The following FHIT variants were observed in gnomAD, a reference collection of about 807,000 sequenced individuals.
FHIT encodes fragile histidine triad diadenosine triphosphatase.
In FHIT, 19 loss-of-function variants were observed where a neutral mutation model predicts 17.9. The ratio of observed to expected loss-of-function variants is 1.06; its 90% confidence interval spans 0.74 to 1.56. The LOEUF (loss-of-function observed/expected upper bound fraction) is 1.56. Ranked by LOEUF, FHIT falls within the 40% of genes most tolerant of loss-of-function variation. FHIT has a pLI of 0.00. For missense variants in FHIT, 248 were observed against 189.2 expected (o/e 1.31, Z -1.82); for synonymous variants, 81 against 69.7 (o/e 1.16, Z -0.81).
intron 5 of FHIT, among the ~76,000 whole-genome samples, chr3:60,233,270 C>G (rs919086811): frequency 2.6e-5 from 4 of 152,146 alleles, no homozygotes; most frequent in African/African-American, 9.7e-5. Context: ...TGACTGATGC[C>G]TGGCAATCCA....
At chr3:60,724,940 C>T (rs544364360) in intron 4 of FHIT, among the ~76,000 whole-genome samples, 30 of 152,192 alleles carry the variant, frequency 2.0e-4, no homozygotes, top group East Asian at 3.9e-4. Flanking sequence ...TGAGCCAACG[C>T]GCCCAAACTT....
At chr3:59,866,781 T>C (rs1023862915) in intron 8 of FHIT, among the ~76,000 whole-genome samples, 4 of 152,152 alleles carry the variant, frequency 2.6e-5, no homozygotes, top group Admixed American at 6.5e-5. Context: ...AGATAGCTTC[T>C]GGCCAACTGA....
At chr3:61,232,370 G>A (rs2040127917) in intron 1 of FHIT, among the ~76,000 whole-genome samples, 1 of 152,190 alleles carries the variant, frequency 6.6e-6, no homozygotes, top group South Asian at 2.1e-4. Context: ...CTGAGGGACA[G>A]AGCAAGACCT....
At chr3:61,084,641 A>G (rs1269246214) in intron 2 of FHIT, among the ~76,000 whole-genome samples, 1 of 152,188 alleles carries the variant, frequency 6.6e-6, no homozygotes, top group Non-Finnish European at 1.5e-5. Flanking sequence ...AAGCTATTTT[A>G]AGTGGTAACT....
chr3:61,002,092 A>G (rs2031124196), intron 3 of FHIT, among the ~76,000 whole-genome samples: 1 of 152,232 alleles, frequency 6.6e-6, no homozygotes, highest in African/African-American at 2.4e-5. Flanking sequence ...GAATGATTAA[A>G]TCAAGGTAAT....
intron 3 of FHIT, among the ~76,000 whole-genome samples, chr3:60,866,112 CCT>C (rs1704149929): frequency 6.6e-6 from 1 of 152,058 alleles, no homozygotes; most frequent in South Asian, 2.1e-4. Context: ...ACTGAGGGTT[CCT>C]CTCTCTATAA....
intron 3 of FHIT, among the ~76,000 whole-genome samples, chr3:60,937,172 A>T (rs1442401051): frequency 1.3e-5 from 2 of 152,206 alleles, no homozygotes; most frequent in African/African-American, 4.8e-5. Flanking sequence ...TGAAAAGGGA[A>T]AATGTGCAAA....
At chr3:60,472,963 T>C (rs947107057) in intron 5 of FHIT, among the ~76,000 whole-genome samples, 21 of 152,196 alleles carry the variant, frequency 1.4e-4, no homozygotes, top group African/African-American at 4.8e-4. Flanking sequence ...CCTTTAGTGC[T>C]ATATTATAGA....
intron 8 of FHIT, among the ~76,000 whole-genome samples, chr3:59,819,881 T>C (rs780047575): frequency 1.4e-4 from 21 of 152,188 alleles, no homozygotes; most frequent in Non-Finnish European, 2.6e-4. Context: ...TTAGTGCCTA[T>C]ATAAAAGACA....
At chr3:60,077,831 G>C (rs150425461) in intron 5 of FHIT, among the ~76,000 whole-genome samples, 1,901 of 151,268 alleles carry the variant, frequency 0.013, 16 homozygotes, top group Middle Eastern at 0.031. Context: ...AATTGAATTA[G>C]AGTTTTTTGT....
At chr3:60,727,044 T>C (rs2041930656) in intron 4 of FHIT, among the ~76,000 whole-genome samples, 1 of 152,208 alleles carries the variant, frequency 6.6e-6, no homozygotes, top group Admixed American at 6.5e-5. Flanking sequence ...GAAACATCAC[T>C]GCATTTCCAC....
chr3:60,989,044 A>G (rs575761969), intron 3 of FHIT, among the ~76,000 whole-genome samples: 1 of 149,840 alleles, frequency 6.7e-6, no homozygotes, highest in African/African-American at 2.5e-5. Context: ...TTATGGATAC[A>G]CCTATAGTGT....
At chr3:60,722,248 G>A (rs2041823482) in intron 4 of FHIT, among the ~76,000 whole-genome samples, 1 of 152,134 alleles carries the variant, frequency 6.6e-6, no homozygotes, top group Admixed American at 6.5e-5. Flanking sequence ...AAAGAAGAGG[G>A]GGCCTTCTTC....
intron 5 of FHIT, among the ~76,000 whole-genome samples, chr3:60,166,349 A>G (rs1701175164): frequency 6.6e-6 from 1 of 152,216 alleles, no homozygotes; most frequent in African/African-American, 2.4e-5. Context: ...AATTGAAGAC[A>G]TTATATAAAC....
intron 5 of FHIT, among the ~76,000 whole-genome samples, chr3:60,178,066 T>C (rs1006055756): frequency 1.3e-5 from 2 of 152,184 alleles, no homozygotes; most frequent in African/African-American, 2.4e-5. Flanking sequence ...ATATGAAGTG[T>C]CCTGATTAGC....
intron 8 of FHIT, among the ~76,000 whole-genome samples, chr3:59,778,891 A>G (rs1396310495): frequency 1.3e-5 from 2 of 152,082 alleles, no homozygotes; most frequent in African/African-American, 2.4e-5. Flanking sequence ...CTTTTGTTTT[A>G]CTCCTTCCCA....
At chr3:60,769,354 AG>A (rs1397347155) in intron 4 of FHIT, among the ~76,000 whole-genome samples, 2 of 152,210 alleles carry the variant, frequency 1.3e-5, no homozygotes, top group Non-Finnish European at 2.9e-5. Context: ...AGGGGAGAGC[AG>A]TGCCTTTCAC....
chr3:60,036,383 C>T (rs17322850), intron 5 of FHIT, among the ~76,000 whole-genome samples: 55,115 of 152,010 alleles, frequency 0.36, 11,509 homozygotes, highest in Middle Eastern at 0.57. Flanking sequence ...TCTCTGAGAA[C>T]CGTGTCTCTA....
intron 8 of FHIT, among the ~76,000 whole-genome samples, chr3:59,866,734 T>C (rs549343676): frequency 1.3e-5 from 2 of 152,154 alleles, no homozygotes; most frequent in East Asian, 1.9e-4. Context: ...AGGGAGGAGA[T>C]AGTGCTTAGA....
Sources: allele counts gnomAD v4.1 joint callset (sites outside exome capture counted in the v4.1 genomes callset), GRCh38; gene constraint gnomAD v4.1.1; transcripts MANE v1.5; gene names NCBI Gene and HGNC (gene_info 2026-07-23, HGNC 2026-07-21).